SGCZ: variants seen among roughly 807,000 people sequenced by gnomAD.
The protein encoded by SGCZ is sarcoglycan zeta.
A neutral mutation model predicts 41.3 loss-of-function variants in SGCZ; 40 were observed. That is an observed-to-expected ratio of 0.97 (90% confidence interval 0.75 to 1.26). The LOEUF is 1.26. SGCZ is among the 50% of genes most tolerant of loss of function. The probability of loss-of-function intolerance (pLI) is 0.00; values close to 1 mark genes in which losing one functional copy is unlikely to be tolerated. For synonymous variants in SGCZ, 206 were observed against 137.5 expected (o/e 1.50, Z -3.49); for missense variants, 552 against 369.8 (o/e 1.49, Z -4.04).
intron 1 of SGCZ, among the ~76,000 whole-genome samples, chr8:14,979,337 T>A (rs1801587268): frequency 6.6e-6 from 1 of 152,192 alleles, no homozygotes; most frequent in South Asian, 2.1e-4. Flanking sequence ...CTAAATTTCA[T>A]CTTCAATGTA....
intron 2 of SGCZ, among the ~76,000 whole-genome samples, chr8:14,439,710 G>C (rs1196251904): frequency 6.6e-6 from 1 of 151,794 alleles, no homozygotes; most frequent in Non-Finnish European, 1.5e-5. Flanking sequence ...GAATAAAATT[G>C]ACAAATTAAC....
At chr8:14,145,143 G>T (rs141706860) in intron 5 of SGCZ, among the ~76,000 whole-genome samples, 20 of 152,278 alleles carry the variant, frequency 1.3e-4, no homozygotes, top group African/African-American at 4.8e-4. Context: ...CCAGTGCTGT[G>T]CTGGCTTCAG....
chr8:14,980,067 T>C (rs1029508342), intron 1 of SGCZ, among the ~76,000 whole-genome samples: 1 of 152,128 alleles, frequency 6.6e-6, no homozygotes, highest in Non-Finnish European at 1.5e-5. Flanking sequence ...TTTTGAAAAG[T>C]AAAGTGATGG....
chr8:14,371,562 T>G (rs1021754946), intron 2 of SGCZ, among the ~76,000 whole-genome samples: 10 of 152,140 alleles, frequency 6.6e-5, no homozygotes, highest in African/African-American at 2.2e-4. Flanking sequence ...TCTAAGATGA[T>G]CTCTGAATTG....
Position 14,252,244 on chromosome 8 carries a change from A to G in SGCZ, c.337-14565T>C, listed in dbSNP as rs145952227. 8.5e-3 allele frequency among the ~76,000 whole-genome samples: 1,299 copies of G among 152,088 alleles called. 6 individuals carry two copies. Among genetic ancestry groups the G allele is most frequent in the Non-Finnish European group, 0.013 (904 of 68,004 alleles). On this transcript the variant is annotated intron_variant, in intron 3 of 7. Coordinates refer to ENST00000382080, the MANE Select transcript of SGCZ (RefSeq NM_139167.4). ...TATCTTGTGCTAGCAGTTCTTAGCT[A>G]TGTTACTCAGCTCTTAAGTTATTCA...
chr8:14,359,139 T>C (rs1803410979), intron 2 of SGCZ, among the ~76,000 whole-genome samples: 1 of 152,040 alleles, frequency 6.6e-6, no homozygotes, highest in South Asian at 2.1e-4. Flanking sequence ...ACAAGAAGAC[T>C]ATAGAACAGA....
At chr8:14,578,953 T>C (rs1284054653) in intron 1 of SGCZ, among the ~76,000 whole-genome samples, 1 of 152,212 alleles carries the variant, frequency 6.6e-6, no homozygotes, top group Non-Finnish European at 1.5e-5. Flanking sequence ...TACTTTAGGA[T>C]CTAGGAAGGA....
intron 2 of SGCZ, among the ~76,000 whole-genome samples, chr8:14,334,908 C>A (rs192731514): frequency 6.6e-6 from 1 of 151,884 alleles, no homozygotes; most frequent in Admixed American, 6.6e-5. Flanking sequence ...TGTGTATTTC[C>A]GACTGTGTAT....
intron 4 of SGCZ, among the ~76,000 whole-genome samples, chr8:14,218,583 T>C (rs963954786): frequency 3.3e-5 from 5 of 152,252 alleles, no homozygotes; most frequent in African/African-American, 1.2e-4. Flanking sequence ...AATGCATTCT[T>C]AAATGTGTTT....
chr8:14,538,665 C>T (rs552289885), intron 2 of SGCZ, among the ~76,000 whole-genome samples: 3 of 151,934 alleles, frequency 2.0e-5, no homozygotes, highest in Non-Finnish European at 2.9e-5. Context: ...AAAGCAAAAG[C>T]ATCTACCAGC....
At chr8:14,652,363 G>GGGA (rs1807433854) in intron 1 of SGCZ, among the ~76,000 whole-genome samples, 1 of 101,734 alleles carries the variant, frequency 9.8e-6, no homozygotes, top group Non-Finnish European at 2.0e-5. Flanking sequence ...GGTGTGGGGG[G>GGGA]GAGAAAACAC....
intron 1 of SGCZ, among the ~76,000 whole-genome samples, chr8:14,571,765 T>G (rs1804562210): frequency 6.6e-6 from 1 of 152,120 alleles, no homozygotes; most frequent in African/African-American, 2.4e-5. Flanking sequence ...TAACTTAAAA[T>G]CGAGAAACAG....
At chr8:15,111,204 A>G (rs554473051) in intron 1 of SGCZ, among the ~76,000 whole-genome samples, 2 of 152,268 alleles carry the variant, frequency 1.3e-5, no homozygotes, top group Admixed American at 6.5e-5. Context: ...TTCTGGTGGC[A>G]GGTAACCCAA....
intron 2 of SGCZ, among the ~76,000 whole-genome samples, chr8:14,551,491 ATATATATTATATATAT>A: frequency 2.7e-4 from 1 of 3,706 alleles, no homozygotes; most frequent in African/African-American, 1.0e-3. Context: ...TATATATATT[ATATATATTATATATAT>A]TATATATATT....
chr8:14,279,227 T>C (rs562121152), intron 3 of SGCZ, among the ~76,000 whole-genome samples: 118 of 152,190 alleles, frequency 7.8e-4, no homozygotes, highest in African/African-American at 2.7e-3. Context: ...CTTTTGGTTT[T>C]CTTTGAGAAT....
chr8:14,112,384 A>G (rs951625403), intron 5 of SGCZ, among the ~76,000 whole-genome samples: 1 of 144,230 alleles, frequency 6.9e-6, no homozygotes, highest in Non-Finnish European at 1.5e-5. Flanking sequence ...GCAAAGGTTA[A>G]CAGGACATAA....
At chr8:14,776,977 T>C (rs1800422800) in intron 1 of SGCZ, among the ~76,000 whole-genome samples, 1 of 152,232 alleles carries the variant, frequency 6.6e-6, no homozygotes, top group South Asian at 2.1e-4. Flanking sequence ...CTTTGTTGAA[T>C]GGCACCCGAA....
chr8:14,279,393 C>T (rs989016574), intron 3 of SGCZ, among the ~76,000 whole-genome samples: 1 of 151,948 alleles, frequency 6.6e-6, no homozygotes, highest in African/African-American at 2.4e-5. Flanking sequence ...CAGGTTATCA[C>T]AAAAATGGGA....
intron 7 of SGCZ, among the ~76,000 whole-genome samples, chr8:14,095,605 T>A (rs1405503173): frequency 6.6e-6 from 1 of 152,192 alleles, no homozygotes; most frequent in Admixed American, 6.5e-5. Context: ...TGCTTCCATA[T>A]GAAGTTTAAA....
Sources: gnomAD v4.1 joint callset for allele counts (sites outside exome capture counted in the v4.1 genomes callset) on GRCh38, gnomAD v4.1.1 for gene constraint, MANE v1.5 for transcripts, NCBI Gene and HGNC (gene_info 2026-07-23, HGNC 2026-07-21) for gene names.